Variants in SEPTIN8 observed in about 807,000 individuals in gnomAD.
SEPTIN8 encodes septin 8, also known as septin-8.
A neutral mutation model predicts 53.1 loss-of-function variants in SEPTIN8; 22 were observed. The observed-to-expected ratio is 0.41, with a 90% CI of 0.30 to 0.59. The LOEUF is 0.59. Ranked by LOEUF, SEPTIN8 falls within the 20% of genes least tolerant of loss-of-function variation. SEPTIN8 has a pLI of 0.24. For synonymous variants in SEPTIN8, 228 were observed against 248.4 expected (o/e 0.92, Z 0.77); for missense variants, 536 against 638.7 (o/e 0.84, Z 1.73).
intron 1 of SEPTIN8, among the ~76,000 whole-genome samples, chr5:132,770,498 T>C (rs1219537905): frequency 6.6e-6 from 1 of 152,090 alleles, no homozygotes; most frequent in Non-Finnish European, 1.5e-5. Context: ...TATATTTTTA[T>C]GTGAAATTCT....
chr5:132,778,057 T>C, upstream of SEPTIN8: 2 of 985,550 alleles, frequency 2.0e-6, no homozygotes, highest in Non-Finnish European at 2.4e-6. Flanking sequence ...ATGTCACTGC[T>C]CAAAACGTTC....
At chr5:132,763,253 A>G (rs1437512481) in intron 4 of SEPTIN8, among the ~76,000 whole-genome samples, 1 of 152,132 alleles carries the variant, frequency 6.6e-6, no homozygotes. Context: ...TCTGGGCCTT[A>G]ACTCTCCTCT....
chr5:132,768,983 G>A (rs1756910051), intron 1 of SEPTIN8, among the ~76,000 whole-genome samples: 1 of 152,284 alleles, frequency 6.6e-6, no homozygotes, highest in East Asian at 1.9e-4. Flanking sequence ...TGGATGCAGA[G>A]GAACAGGGAG....
Position 132,751,785 on chromosome 5 carries a change from C to T in SEPTIN8, c.*231G>A. 1 of 696,334 alleles carries T rather than the reference C, an allele frequency of 1.4e-6. No individual in the cohort carries two copies. The highest frequency in any genetic ancestry group is 2.0e-5 in the South Asian group (1 of 48,786). The allele number at this position is 696,334 out of a possible 1,614,324, so 43.1% of individuals were successfully genotyped here. On this transcript the variant is annotated 3_prime_UTR_variant, in exon 10 of 10. Coordinates refer to ENST00000378719, the MANE Select transcript of SEPTIN8 (RefSeq NM_001098811.2). ...TTTTTTTGGTCCCGGAGTGGAAGCT[C>T]AGCTTGGCCACAGGATGGGCATTAA...
rs187799776 is a variant in SEPTIN8, at chr5:132,773,510, T to A, written c.30+3598A>T. 2.0e-5 allele frequency among the ~76,000 whole-genome samples: 3 copies of A among 152,326 alleles called. No homozygotes were observed. Among genetic ancestry groups the A allele is most frequent in the Admixed American group, 2.0e-4 (3 of 15,304 alleles). On this transcript the variant is annotated intron_variant, in intron 1 of 9. Transcript: ENST00000378719. The surrounding 1 kb of genome is among the most constrained non-coding windows in gnomAD (Gnocchi z 4.2). ...GCTCAAAACGCCAAGGTATCCACCCTCTCTGTCATCTCTGGTATTGGAATT... is the reference window on the plus strand; with the variant it reads ...GCTCAAAACGCCAAGGTATCCACCCACTCTGTCATCTCTGGTATTGGAATT...
In SEPTIN8 at chr5:132,761,773, C is replaced by A; in HGVS notation, c.793+27G>T. The A allele has an allele frequency of 1.3e-6, 2 of 1,596,840 alleles. No individual in the cohort carries two copies. The highest frequency in any genetic ancestry group is 2.2e-5 in the East Asian group (1 of 44,524). ...AGGCCAGGGAACTCAGTTCTACCCCCAGGATGCATTTCCTGTCCACACTCA... is the reference window on the plus strand; with the variant it reads ...AGGCCAGGGAACTCAGTTCTACCCCAAGGATGCATTTCCTGTCCACACTCA... On this transcript the variant is annotated intron_variant, in intron 6 of 9. Transcript: ENST00000378719. The surrounding 1 kb of genome is among the most constrained non-coding windows in gnomAD (Gnocchi z 5.8).
chr5:132,774,546 C>A (rs575827951), intron 1 of SEPTIN8, among the ~76,000 whole-genome samples: 2 of 152,330 alleles, frequency 1.3e-5, no homozygotes, highest in South Asian at 4.1e-4. Context: ...GGGATGCCAA[C>A]CCTTACCCCA....
chr5:132,761,947 G>C lies in SEPTIN8; in HGVS notation c.697-51C>G, dbSNP rs748611069. ...AGCCCTGAGCTGACACAGACTAATG[G>C]CAGACTCTCCCTCCCTGCCCCTGGG... is the stretch of plus-strand genomic sequence containing the variant. On this transcript the variant is annotated intron_variant, in intron 5 of 9. Coordinates refer to ENST00000378719, the MANE Select transcript of SEPTIN8 (RefSeq NM_001098811.2). The surrounding 1 kb of genome is among the most constrained non-coding windows in gnomAD (Gnocchi z 5.8). 154 of 1,494,304 alleles carry C rather than the reference G, an allele frequency of 1.0e-4. No individual in the cohort carries two copies. The highest frequency in any genetic ancestry group is 1.4e-4 in the Non-Finnish European group (152 of 1,102,526). 92.6% of individuals were successfully genotyped at this position (1,494,304 alleles called of 1,614,324 possible).
At chr5:132,756,519 G>A (rs1755356797) in intron 9 of SEPTIN8, 1 of 985,322 alleles carries the variant, frequency 1.0e-6, no homozygotes, top group Non-Finnish European at 1.2e-6. Flanking sequence ...ATGAGACTCT[G>A]CAGACAGGGT....
chr5:132,778,652 C>T (rs917557889), upstream of SEPTIN8, among the ~76,000 whole-genome samples: 4 of 152,176 alleles, frequency 2.6e-5, no homozygotes, highest in Non-Finnish European at 4.4e-5. Flanking sequence ...GCTTTTTAAC[C>T]TTAGCTAGGC....
intron 1 of SEPTIN8, among the ~76,000 whole-genome samples, chr5:132,772,905 C>T (rs1757455051): frequency 6.6e-6 from 1 of 152,212 alleles, no homozygotes; most frequent in African/African-American, 2.4e-5. Flanking sequence ...AGCCAGCCAC[C>T]TGCCAGCAGA....
chr5:132,771,268 T>C (rs1757291940), intron 1 of SEPTIN8, among the ~76,000 whole-genome samples: 1 of 152,154 alleles, frequency 6.6e-6, no homozygotes, highest in Non-Finnish European at 1.5e-5. Context: ...GGAAATCTAC[T>C]GAATCTCTAA....
intron 9 of SEPTIN8, chr5:132,752,986 C>T (rs749173429): frequency 3.1e-6 from 5 of 1,596,992 alleles, no homozygotes; most frequent in Non-Finnish European, 4.3e-6. Context: ...CTGCCTCCAC[C>T]CCGGGGCTTT....
At chr5:132,756,883 T>G in intron 9 of SEPTIN8, 3 of 985,436 alleles carry the variant, frequency 3.0e-6, no homozygotes, top group South Asian at 9.4e-5. Flanking sequence ...ATTTCTTATG[T>G]ATCCAATGAA....
At chr5:132,754,717 C>G (rs2149949212) in intron 9 of SEPTIN8, among the ~76,000 whole-genome samples, 1 of 152,346 alleles carries the variant, frequency 6.6e-6, no homozygotes, top group Middle Eastern at 3.4e-3. Flanking sequence ...CATCCTACTT[C>G]CCTCTAATAT....
At chr5:132,765,675 C>T in intron 1 of SEPTIN8, 146 bp from the exon 2 acceptor site, 1 of 1,016,276 alleles carries the variant, frequency 9.8e-7, no homozygotes, top group Admixed American at 2.7e-5. Flanking sequence ...ACCCTGAGTA[C>T]ACCCGAGCAC....
In SEPTIN8 at chr5:132,761,849, C is replaced by T. The variant is rs1379857576; in HGVS notation, c.744G>A (p.Val248=). The T allele has an allele frequency of 6.2e-7, 1 of 1,607,924 alleles. No homozygotes were observed. ...AVVGSTEEVK[V]GNKLVRARQY... ...GCCGTGCTCGGACCAGCTTGTTCCC[C>T]ACCTTCACCTCCTCGGTGCTGCCCA... The change falls in exon 6 of 10, where the codon GTG becomes GTA. Residue 248 remains valine (V), a synonymous_variant. Coordinates refer to ENST00000378719, the MANE Select transcript of SEPTIN8 (RefSeq NM_001098811.2). This position sits in a 1 kb window ranked among gnomAD's most constrained non-coding sequence, Gnocchi z 5.8.
At position 132,751,128 on chromosome 5, in the gene SEPTIN8, C is replaced by G; in HGVS notation, c.*888G>C. On this transcript the variant is annotated 3_prime_UTR_variant, in exon 10 of 10. Coordinates refer to ENST00000378719, the MANE Select transcript of SEPTIN8 (RefSeq NM_001098811.2). ...ACATGCACCACAGTGAGGTGACGCA[C>G]AAGGCTCATGACATACGGAAGAGTG... 1 of 987,832 alleles carries G rather than the reference C, an allele frequency of 1.0e-6. No individual in the cohort carries two copies. 61.2% of individuals were successfully genotyped at this position (987,832 alleles called of 1,614,324 possible). A position where few individuals can be genotyped will look rare whatever the true frequency, so the allele number is the denominator to read the frequency against.
rs780260332 is a variant in SEPTIN8 at position 132,763,730 on chromosome 5, C to A, written c.510G>T (p.Val170=). ...CCTTGCTGTCTAGTTTCTTCATGGT[C>A]ACTAGATCTAGAGACTTCAGGGAGT... The part of the protein sequence containing the change: ...TGHSLKSLDL[V]TMKKLDSKVN... The change falls in exon 4 of 10, where the codon GTG becomes GTT. Residue 170 remains valine (V), a synonymous_variant. Coordinates refer to ENST00000378719, the MANE Select transcript of SEPTIN8 (RefSeq NM_001098811.2). The A allele has an allele frequency of 1.5e-5, 25 of 1,613,964 alleles. No individual in the cohort carries two copies. Among genetic ancestry groups the A allele is most frequent in the Non-Finnish European group, 2.0e-5 (24 of 1,179,962 alleles).
Sources: gnomAD v4.1 joint callset for allele counts (sites outside exome capture counted in the v4.1 genomes callset) on GRCh38, gnomAD v4.1.1 for gene constraint, Gnocchi (gnomAD v3.1) non-coding constraint, MANE v1.5 for transcripts, NCBI Gene and HGNC (gene_info 2026-07-23, HGNC 2026-07-21) for gene names.